Variants in SLC9A8 observed in about 807,000 individuals in gnomAD.
SLC9A8 encodes the protein sodium/hydrogen exchanger 8.
SLC9A8 carries 48 observed loss-of-function variants against 66.6 expected under a neutral mutation model. That is an observed-to-expected ratio of 0.72 (90% CI 0.57 to 0.92). The LOEUF (loss-of-function observed/expected upper bound fraction) is 0.92, where lower values mean the gene tolerates loss of function less well. Among genes scored for constraint, SLC9A8 ranks in the 40% least tolerant of loss-of-function variants. The pLI, the probability that SLC9A8 is intolerant of heterozygous loss-of-function variation, is 0.00. For missense variants in SLC9A8, 599 were observed against 747.3 expected (o/e 0.80, Z 2.31); for synonymous variants, 274 against 282.6 (o/e 0.97, Z 0.31).
intron 3 of SLC9A8, among the ~76,000 whole-genome samples, chr20:49,827,969 GTT>G (rs2086981785): frequency 6.7e-6 from 1 of 148,166 alleles, no homozygotes; most frequent in African/African-American, 2.5e-5. Flanking sequence ...TAATTTTTTT[GTT>G]TTTTAAGGAT....
rs970859767 is a variant in SLC9A8, at chr20:49,828,432, C to T, written c.289+5291C>T. Among the ~76,000 whole-genome samples, 5 of 151,140 alleles carry T rather than the reference C, an allele frequency of 3.3e-5. No homozygotes were observed. In the East Asian group the frequency reaches 7.9e-4, roughly 24 times the overall value. Reference sequence around the variant, plus strand: ...AGAGACGGGGTTTCTTCATGTTGGTCAGGCTGGTCTTGAACTCCCGACCTC... The same window carrying T: ...AGAGACGGGGTTTCTTCATGTTGGTTAGGCTGGTCTTGAACTCCCGACCTC... On this transcript the variant is annotated intron_variant, in intron 3 of 15. Coordinates refer to ENST00000361573, the MANE Select transcript of SLC9A8 (RefSeq NM_015266.3).
At chr20:49,830,439 G>C in intron 3 of SLC9A8, 1 of 837,286 alleles carries the variant, frequency 1.2e-6, no homozygotes, top group Non-Finnish European at 2.1e-6. Context: ...GGCGGCCAAG[G>C]ACCTGGTGCT....
chr20:49,874,581 AT>A, intron 10 of SLC9A8, 123 bp from the exon 11 acceptor site: 1 of 696,988 alleles, frequency 1.4e-6, no homozygotes, highest in Non-Finnish European at 2.6e-6. Flanking sequence ...GGCTTCAGGA[AT>A]TCATTTATTT....
intron 12 of SLC9A8, 104 bp from the exon 13 acceptor site, chr20:49,880,820 T>G: frequency 2.6e-6 from 2 of 766,114 alleles, no homozygotes; most frequent in Non-Finnish European, 4.6e-6. Context: ...GAATACTGCA[T>G]TTGTACTGGA....
chr20:49,813,029 C>T lies in SLC9A8; in HGVS notation c.26+81C>T, dbSNP rs534308592. 8.2e-6 allele frequency: 10 copies of T among 1,226,460 alleles called. No individual in the cohort carries two copies. In the African/African-American group the frequency reaches 1.1e-4, roughly 14 times the overall value. The allele number at this position is 1,226,460 out of a possible 1,614,324, so 76.0% of individuals were successfully genotyped here. A position where few individuals can be genotyped will look rare whatever the true frequency, so the allele number is the denominator to read the frequency against. ...ACAGCGAGCGCCTCAGGCCGCCCTC[C>T]GGCCCCGGAAGGCGGAGCTTCTTTT... is the stretch of plus-strand genomic sequence containing the variant. On this transcript the variant is annotated intron_variant, in intron 1 of 15. Transcript: ENST00000361573.
At chr20:49,823,004 T>A (rs1457315555) in intron 2 of SLC9A8, 57 bp from the exon 3 acceptor site, 1 of 1,413,774 alleles carries the variant, frequency 7.1e-7, no homozygotes, top group Non-Finnish European at 1.0e-6. Flanking sequence ...AACTTGGTGT[T>A]TATCATTCAG....
At chr20:49,861,454 G>T (rs1282484202) in intron 8 of SLC9A8, among the ~76,000 whole-genome samples, 1 of 152,056 alleles carries the variant, frequency 6.6e-6, no homozygotes, top group Non-Finnish European at 1.5e-5. Flanking sequence ...GAGGTGGGAG[G>T]ATCACATGAG....
chr20:49,832,276 C>G (rs2087236759), intron 3 of SLC9A8, among the ~76,000 whole-genome samples: 1 of 152,188 alleles, frequency 6.6e-6, no homozygotes, highest in Non-Finnish European at 1.5e-5. Flanking sequence ...AAATGAGTGT[C>G]TTCACTCCAG....
At chr20:49,826,826 C>T (rs932585789) in intron 3 of SLC9A8, among the ~76,000 whole-genome samples, 6 of 152,144 alleles carry the variant, frequency 3.9e-5, no homozygotes, top group Admixed American at 6.5e-5. Flanking sequence ...TTGTTTCATT[C>T]TCTTCCAGTC....
At chr20:49,854,947 CG>C (rs1372186579) in intron 7 of SLC9A8, among the ~76,000 whole-genome samples, 1 of 152,138 alleles carries the variant, frequency 6.6e-6, no homozygotes, top group Admixed American at 6.5e-5. Flanking sequence ...CGGCTGTCTA[CG>C]CCACTCACCC....
rs59819048 is a variant in SLC9A8 at position 49,840,750 on chromosome 20, A to G, written c.348+1151A>G. 7.1e-3 allele frequency among the ~76,000 whole-genome samples: 1,076 copies of G among 151,974 alleles called. 20 individuals are homozygous for G. The highest frequency in any genetic ancestry group is 0.024 in the African/African-American group (995 of 41,432). Reference sequence around the variant, plus strand: ...GGTCATGACTGAAGAGCCTTTTTCTACTCCTAGGCTGGATATAGCCTGATG... The same window carrying G: ...GGTCATGACTGAAGAGCCTTTTTCTGCTCCTAGGCTGGATATAGCCTGATG... On this transcript the variant is annotated intron_variant, in intron 4 of 15. Coordinates refer to ENST00000361573, the MANE Select transcript of SLC9A8 (RefSeq NM_015266.3).
chr20:49,864,700 C>A, intron 9 of SLC9A8, 39 bp from the exon 10 acceptor site: 1 of 1,443,210 alleles, frequency 6.9e-7, no homozygotes, highest in Non-Finnish European at 9.8e-7. Flanking sequence ...CTCCCATCAA[C>A]TCTCCCTCGA....
At chr20:49,857,907 C>A (rs528262584) in intron 8 of SLC9A8, among the ~76,000 whole-genome samples, 1 of 152,254 alleles carries the variant, frequency 6.6e-6, no homozygotes, top group South Asian at 2.1e-4. Context: ...AGGTGCTCAA[C>A]AGGCCTTAAA....
At chr20:49,821,638 T>A (rs750557380) in intron 2 of SLC9A8, among the ~76,000 whole-genome samples, 1 of 152,164 alleles carries the variant, frequency 6.6e-6, no homozygotes, top group Non-Finnish European at 1.5e-5. Context: ...ACAAAATTAA[T>A]GTTAGTCCTG....
Position 49,834,433 on chromosome 20 carries a change from GTATATATATATATATAC to G in SLC9A8, c.290-5106_290-5090del, listed in dbSNP as rs1568814410. ...TATATATATACTGTATATATATACT[GTATATATATATATATAC>G]TGTATATATATATACTGTGTATATA... On this transcript the variant is annotated intron_variant, in intron 3 of 15. Coordinates refer to ENST00000361573, the MANE Select transcript of SLC9A8 (RefSeq NM_015266.3). 2.0e-3 allele frequency among the ~76,000 whole-genome samples: 55 copies of G among 28,150 alleles called. 5 individuals are homozygous for G. The highest frequency in any genetic ancestry group is 4.7e-3 in the Admixed American group (13 of 2,790). The allele number at this position is 28,150 out of a possible 152,430, so 18.5% of individuals were successfully genotyped here. A position where few individuals can be genotyped will look rare whatever the true frequency, so the allele number is the denominator to read the frequency against.
rs769104692 is a variant in SLC9A8 at position 49,881,042 on chromosome 20, C to T, written c.1270+7C>T. The stretch of plus-strand genomic sequence containing the variant: ...TTCATCATGTGGTTTAGTGGTAAGT[C>T]AAATCTTGGATAAATGGGGTGGGGA... On this transcript the variant is annotated splice_region_variant and intron_variant, in intron 13 of 15. Coordinates refer to ENST00000361573, the MANE Select transcript of SLC9A8 (RefSeq NM_015266.3). 4 of 1,584,230 alleles carry T rather than the reference C, an allele frequency of 2.5e-6. No homozygotes were observed. Among genetic ancestry groups the T allele is most frequent in the Non-Finnish European group, 3.5e-6 (4 of 1,152,978 alleles).
intron 10 of SLC9A8, among the ~76,000 whole-genome samples, chr20:49,866,748 C>T (rs2088985758): frequency 6.6e-6 from 1 of 152,096 alleles, no homozygotes; most frequent in African/African-American, 2.4e-5. Context: ...TCAGTTTACT[C>T]CAGTTATGAG....
In SLC9A8 at chr20:49,845,481, C is replaced by T. The variant is rs561397296; in HGVS notation, c.432+362C>T. Among the ~76,000 whole-genome samples, 12 of 152,316 alleles carry T rather than the reference C, an allele frequency of 7.9e-5. No individual in the cohort carries two copies. In the South Asian group the frequency reaches 1.9e-3, roughly 24 times the overall value. Reference sequence around the variant, plus strand: ...GAGGATAGACTGTGTCCTGGGACGACGGGGACATGTGCCCCAGGACTTTTG... The same window carrying T: ...GAGGATAGACTGTGTCCTGGGACGATGGGGACATGTGCCCCAGGACTTTTG... On this transcript the variant is annotated intron_variant, in intron 5 of 15. Coordinates refer to ENST00000361573, the MANE Select transcript of SLC9A8 (RefSeq NM_015266.3).
Position 49,858,300 on chromosome 20 carries a change from A to T in SLC9A8, c.713+2719A>T, listed in dbSNP as rs140562694. ...ATATTATCCAACATCATGCCACAAG[A>T]CCTTTAAAAAATCCAATGGCAGTAT... On this transcript the variant is annotated intron_variant, in intron 8 of 15. Coordinates refer to ENST00000361573, the MANE Select transcript of SLC9A8 (RefSeq NM_015266.3). Among the ~76,000 whole-genome samples, 1,159 of 151,452 alleles carry T rather than the reference A, an allele frequency of 7.7e-3. 12 individuals carry two copies. Among genetic ancestry groups the T allele is most frequent in the African/African-American group, 0.026 (1,090 of 41,196 alleles).
Sources: gnomAD v4.1 joint callset for allele counts (sites outside exome capture counted in the v4.1 genomes callset) on GRCh38, gnomAD v4.1.1 for gene constraint, MANE v1.5 for transcripts, NCBI Gene and HGNC (gene_info 2026-07-23, HGNC 2026-07-21) for gene names.